The following CSMD1 variants were observed in gnomAD, a reference collection of about 807,000 sequenced individuals.
CSMD1 encodes CUB and Sushi multiple domains 1.
Under a neutral mutation model 417.5 loss-of-function variants are expected in CSMD1, and 213 were observed. The ratio of observed to expected loss-of-function variants is 0.51; its 90% CI spans 0.46 to 0.57. CSMD1 has a LOEUF of 0.57. CSMD1 is among the 20% of genes least tolerant of loss of function. The pLI is 0.00. For synonymous variants in CSMD1, 2,862 were observed against 1,736.8 expected (o/e 1.65, Z -16.11); for missense variants, 6,923 against 4,529.7 (o/e 1.53, Z -15.17).
At chr8:3,815,162 G>A (rs1801303715) in intron 5 of CSMD1, among the ~76,000 whole-genome samples, 4 of 152,158 alleles carry the variant, frequency 2.6e-5, no homozygotes, top group Admixed American at 2.6e-4. Flanking sequence ...AGGGTGAGAA[G>A]CTGTTAAGTT....
intron 50 of CSMD1, among the ~76,000 whole-genome samples, chr8:3,045,476 A>C (rs1442853563): frequency 6.6e-6 from 1 of 152,182 alleles, no homozygotes; most frequent in East Asian, 1.9e-4. Context: ...TGATTGATAC[A>C]TTTACCTGTG....
intron 7 of CSMD1, among the ~76,000 whole-genome samples, chr8:3,707,751 C>G (rs1801253809): frequency 6.6e-6 from 1 of 152,166 alleles, no homozygotes; most frequent in Admixed American, 6.5e-5. Context: ...ACAAAGGGCC[C>G]TTCTGGCAGA....
At chr8:3,851,589 C>A (rs977762525) in intron 5 of CSMD1, among the ~76,000 whole-genome samples, 1 of 152,110 alleles carries the variant, frequency 6.6e-6, no homozygotes, top group African/African-American at 2.4e-5. Flanking sequence ...CAAGGGAGGG[C>A]AGGGTTGTCT....
At chr8:3,496,341 G>A (rs546933981) in intron 10 of CSMD1, among the ~76,000 whole-genome samples, 1 of 152,130 alleles carries the variant, frequency 6.6e-6, no homozygotes, top group Non-Finnish European at 1.5e-5. Flanking sequence ...GCCCTGCAGA[G>A]CTCCCTGTAA....
At chr8:3,459,520 G>C (rs1290602563) in intron 12 of CSMD1, among the ~76,000 whole-genome samples, 1 of 152,162 alleles carries the variant, frequency 6.6e-6, no homozygotes, top group African/African-American at 2.4e-5. Context: ...ACACGGATGA[G>C]AGCAGAGAAC....
chr8:3,650,563 G>T lies in CSMD1; in HGVS notation c.1010-33766C>A, dbSNP rs143201115. ...TCCTTGAATCTGTTATGTTATTACA[G>T]ATTGTATACTGCTAGTTATTCTGAG... On this transcript the variant is annotated intron_variant, in intron 7 of 69. Transcript: ENST00000635120. Among the ~76,000 whole-genome samples the T allele has an allele frequency of 1.1e-3, 160 of 152,272 alleles. 6 individuals are homozygous for T. The South Asian group carries it at 0.015, about 14-fold the overall frequency.
intron 1 of CSMD1, among the ~76,000 whole-genome samples, chr8:4,811,084 AGGTATTCT>A (rs1344819913): frequency 6.6e-6 from 1 of 152,216 alleles, no homozygotes; most frequent in African/African-American, 2.4e-5. Flanking sequence ...TGTTAGAGAA[AGGTATTCT>A]GTAAGTGGAA....
chr8:3,907,821 C>T (rs916737950), intron 5 of CSMD1, among the ~76,000 whole-genome samples: 11 of 152,192 alleles, frequency 7.2e-5, no homozygotes, highest in African/African-American at 1.9e-4. Flanking sequence ...ATATCTCTTC[C>T]GTAGTTCTTC....
chr8:3,172,862 GA>G (rs1820669852), intron 37 of CSMD1, among the ~76,000 whole-genome samples: 1 of 152,192 alleles, frequency 6.6e-6, no homozygotes, highest in South Asian at 2.1e-4. Context: ...AGTGGAGTGA[GA>G]AGCGGCAATA....
rs34094404 is a variant in CSMD1 at position 4,100,993 on chromosome 8, C to A, written c.416-68894G>T. ...CAGCACAATACTGAAATCTGAACTG[C>A]GTAGTCCTAGAAATTCCCAATCCAC... On this transcript the variant is annotated intron_variant, in intron 3 of 69. Coordinates refer to ENST00000635120, the MANE Select transcript of CSMD1 (RefSeq NM_033225.6). Among the ~76,000 whole-genome samples, 847 of 152,208 alleles carry A rather than the reference C, an allele frequency of 5.6e-3. 8 individuals carry two copies. Among genetic ancestry groups the A allele is most frequent in the African/African-American group, 0.018 (767 of 41,534 alleles).
intron 1 of CSMD1, among the ~76,000 whole-genome samples, chr8:4,754,136 C>A (rs1042278246): frequency 6.6e-6 from 1 of 151,868 alleles, no homozygotes; most frequent in African/African-American, 2.4e-5. Context: ...TTGGTGGTAG[C>A]AATAAAATAG....
At chr8:3,835,944 G>T (rs1458323047) in intron 5 of CSMD1, among the ~76,000 whole-genome samples, 1 of 151,908 alleles carries the variant, frequency 6.6e-6, no homozygotes, top group Non-Finnish European at 1.5e-5. Context: ...TATGGGTCCA[G>T]GAATAGAACT....
At chr8:3,998,821 ATTTAT>A (rs1454321122) in intron 4 of CSMD1, among the ~76,000 whole-genome samples, 2 of 151,270 alleles carry the variant, frequency 1.3e-5, no homozygotes, top group African/African-American at 4.8e-5. Flanking sequence ...TCTTTGTTAC[ATTTAT>A]TTTATCTATT....
At chr8:3,146,355 C>T (rs572475356) in intron 40 of CSMD1, among the ~76,000 whole-genome samples, 50 of 152,130 alleles carry the variant, frequency 3.3e-4, no homozygotes, top group African/African-American at 1.1e-3. Context: ...TGGCACACAA[C>T]TATCAGGTTT....
At chr8:3,576,591 T>G (rs1203577173) in intron 9 of CSMD1, among the ~76,000 whole-genome samples, 1 of 152,218 alleles carries the variant, frequency 6.6e-6, no homozygotes, top group Non-Finnish European at 1.5e-5. Flanking sequence ...ACTTTTAAAA[T>G]GCTGGCATTT....
chr8:3,167,114 G>C (rs1010477306), intron 37 of CSMD1, among the ~76,000 whole-genome samples: 1 of 151,954 alleles, frequency 6.6e-6, no homozygotes, highest in African/African-American at 2.4e-5. Flanking sequence ...GTGAAACCCC[G>C]TCTCTACTAA....
chr8:4,112,815 T>C (rs1320507106), intron 3 of CSMD1, among the ~76,000 whole-genome samples: 3 of 152,318 alleles, frequency 2.0e-5, no homozygotes, highest in South Asian at 2.1e-4. Context: ...ATAACTTTTG[T>C]TTATGGCTCT....
intron 3 of CSMD1, among the ~76,000 whole-genome samples, chr8:4,155,059 T>C (rs981712177): frequency 2.6e-5 from 4 of 152,198 alleles, no homozygotes; most frequent in Admixed American, 2.6e-4. Context: ...ATTTGTCCTG[T>C]TCCAGGCCCG....
chr8:3,406,611 G>A (rs906841792), intron 14 of CSMD1, among the ~76,000 whole-genome samples: 40 of 152,094 alleles, frequency 2.6e-4, no homozygotes, highest in African/African-American at 9.7e-4. Context: ...ATATGACTCT[G>A]ACGCTCTAAG....
Sources: allele counts gnomAD v4.1 joint callset (sites outside exome capture counted in the v4.1 genomes callset), GRCh38; gene constraint gnomAD v4.1.1; transcripts MANE v1.5; gene names NCBI Gene and HGNC (gene_info 2026-07-23, HGNC 2026-07-21).